CFAP77: variants seen among roughly 807,000 people sequenced by gnomAD.
CFAP77 encodes cilia- and flagella-associated protein 77.
A neutral mutation model predicts 31.1 loss-of-function variants in CFAP77; 25 were observed. The ratio of observed to expected loss-of-function variants is 0.80; its 90% confidence interval spans 0.59 to 1.12. The LOEUF (loss-of-function observed/expected upper bound fraction) is 1.12, where lower values mean the gene tolerates loss of function less well. Ranked by LOEUF, CFAP77 falls within the 50% of genes most tolerant of loss-of-function variation. The pLI is 0.00. For synonymous variants in CFAP77, 151 were observed against 159.9 expected (o/e 0.94, Z 0.42); for missense variants, 377 against 397.3 (o/e 0.95, Z 0.44).
At chr9:132,508,084 A>G (rs937636150) in intron 3 of CFAP77, among the ~76,000 whole-genome samples, 2 of 152,196 alleles carry the variant, frequency 1.3e-5, no homozygotes, top group African/African-American at 4.8e-5. Context: ...GCACTCGAAT[A>G]TAGTCTGGGG....
chr9:132,508,208 C>G (rs913731787), intron 3 of CFAP77, among the ~76,000 whole-genome samples: 1 of 152,178 alleles, frequency 6.6e-6, no homozygotes, highest in South Asian at 2.1e-4. Flanking sequence ...TGATCCCCGC[C>G]CCCCGCGCCG....
chr9:132,470,998 T>A (rs530892560), intron 1 of CFAP77, among the ~76,000 whole-genome samples: 1 of 152,336 alleles, frequency 6.6e-6, no homozygotes, highest in East Asian at 1.9e-4. Flanking sequence ...TTTTAAATGA[T>A]ATTTTATAAA....
At chr9:132,510,770 G>A (rs1351241175) in intron 3 of CFAP77, among the ~76,000 whole-genome samples, 1 of 152,178 alleles carries the variant, frequency 6.6e-6, no homozygotes, top group Non-Finnish European at 1.5e-5. Context: ...GGGAGTGGCT[G>A]TTCAAGCTAG....
At chr9:132,560,051 GC>G (rs1248216170) in intron 5 of CFAP77, among the ~76,000 whole-genome samples, 3 of 152,208 alleles carry the variant, frequency 2.0e-5, no homozygotes, top group African/African-American at 7.2e-5. Flanking sequence ...ACTGCTAATG[GC>G]TATAAAGTTT....
intron 1 of CFAP77, among the ~76,000 whole-genome samples, chr9:132,486,217 C>T (rs969443854): frequency 6.8e-6 from 1 of 147,938 alleles, no homozygotes; most frequent in Admixed American, 6.7e-5. Context: ...CTCAGCCTCC[C>T]GAGTAGCTGG....
At position 132,517,307 on chromosome 9, in the gene CFAP77, G is replaced by A. The variant is rs565454859; in HGVS notation, c.524+17707G>A. ...AGCAGCAGACTGCTGGCATATTAGAGATGGATTTTAATTTTATTTTAACAA... is the reference window on the plus strand; with the variant it reads ...AGCAGCAGACTGCTGGCATATTAGAAATGGATTTTAATTTTATTTTAACAA... On this transcript the variant is annotated intron_variant, in intron 3 of 5. Transcript: ENST00000393216. The surrounding 1 kb of genome is among the most constrained non-coding windows in gnomAD (Gnocchi z 4.7). Among the ~76,000 whole-genome samples, 34 of 152,304 alleles carry A rather than the reference G, an allele frequency of 2.2e-4. 1 individual carries two copies. Among genetic ancestry groups the A allele is most frequent in the South Asian group, 4.1e-4 (2 of 4,824 alleles).
chr9:132,428,160 C>T (rs1196932248), intron 1 of CFAP77, among the ~76,000 whole-genome samples: 1 of 150,396 alleles, frequency 6.6e-6, no homozygotes, highest in African/African-American at 2.5e-5. Context: ...CCATCATGCC[C>T]AGCTAATTTT....
rs932900329 is a variant in CFAP77, at chr9:132,552,892, G to A, written c.732+9845G>A. 1.3e-5 allele frequency among the ~76,000 whole-genome samples: 2 copies of A among 152,182 alleles called. No individual in the cohort carries two copies. Among genetic ancestry groups the A allele is most frequent in the Admixed American group, 6.5e-5 (1 of 15,268 alleles). On this transcript the variant is annotated intron_variant, in intron 5 of 5. Transcript: ENST00000393216. The surrounding 1 kb of genome is among the most constrained non-coding windows in gnomAD (Gnocchi z 5.5). ...ATGTATTTTCATATGTTTGACATGA[G>A]GCATGATGGGGCTTTCAAAGGGAAA...
chr9:132,550,665 C>T (rs140503612), intron 5 of CFAP77, among the ~76,000 whole-genome samples: 1,651 of 151,996 alleles, frequency 0.011, 38 homozygotes, highest in African/African-American at 0.037. Flanking sequence ...GCTGGGACTA[C>T]AGGCGTGCAG....
chr9:132,418,585 C>T (rs1480679149), intron 1 of CFAP77, among the ~76,000 whole-genome samples: 3 of 152,188 alleles, frequency 2.0e-5, no homozygotes, highest in East Asian at 1.9e-4. Flanking sequence ...CCTTTGAATC[C>T]GTTTCGTTTC....
intron 1 of CFAP77, among the ~76,000 whole-genome samples, chr9:132,445,850 C>T: frequency 7.5e-6 from 1 of 133,074 alleles, no homozygotes; most frequent in East Asian, 2.2e-4. Flanking sequence ...GCCTGGGCGA[C>T]AGAGTGAGAC....
At chr9:132,433,376 C>T (rs1243883349) in intron 1 of CFAP77, among the ~76,000 whole-genome samples, 2 of 152,122 alleles carry the variant, frequency 1.3e-5, no homozygotes, top group African/African-American at 2.4e-5. Context: ...TTACCACACT[C>T]TGTGAGTCGT....
intron 3 of CFAP77, among the ~76,000 whole-genome samples, chr9:132,534,568 G>GACA (rs1589912502): frequency 7.1e-6 from 1 of 140,008 alleles, no homozygotes; most frequent in East Asian, 2.1e-4. Context: ...GCTGAGATCT[G>GACA]CCACTGCACT....
intron 1 of CFAP77, among the ~76,000 whole-genome samples, chr9:132,492,867 G>A (rs753085190): frequency 3.3e-5 from 5 of 152,286 alleles, no homozygotes; most frequent in South Asian, 2.1e-4. Context: ...GAGACACACC[G>A]TACTTGCACC....
intron 3 of CFAP77, among the ~76,000 whole-genome samples, chr9:132,514,936 G>T (rs1339466153): frequency 6.6e-6 from 1 of 152,160 alleles, no homozygotes; most frequent in African/African-American, 2.4e-5. Flanking sequence ...GGGTGCAGCA[G>T]CCTCCGGGGC....
intron 5 of CFAP77, among the ~76,000 whole-genome samples, chr9:132,549,167 C>T (rs986659997): frequency 4.6e-5 from 7 of 152,188 alleles, no homozygotes; most frequent in South Asian, 2.1e-4. Flanking sequence ...ACCCCCCAAG[C>T]GGGCTTCTAG....
chr9:132,423,391 C>G (rs113386754), intron 1 of CFAP77, among the ~76,000 whole-genome samples: 1 of 152,202 alleles, frequency 6.6e-6, no homozygotes, highest in African/African-American at 2.4e-5. Context: ...GATCAGCTGA[C>G]GCTCCAGTTT....
chr9:132,413,450 G>C (rs1045528137), intron 1 of CFAP77, among the ~76,000 whole-genome samples: 2 of 152,172 alleles, frequency 1.3e-5, no homozygotes, highest in Non-Finnish European at 2.9e-5. Flanking sequence ...CATTAGAAAG[G>C]GTTTCAACTC....
rs1031716257 is a variant in CFAP77 at position 132,481,259 on chromosome 9, C to T, written c.196-17436C>T. Among the ~76,000 whole-genome samples the T allele has an allele frequency of 1.3e-5, 2 of 152,288 alleles. No homozygotes were observed. The highest frequency in any genetic ancestry group is 1.9e-4 in the East Asian group (1 of 5,172). On this transcript the variant is annotated intron_variant, in intron 1 of 5. Transcript: ENST00000393216. The surrounding 1 kb of genome is among the most constrained non-coding windows in gnomAD (Gnocchi z 5.0). Reference sequence around the variant, plus strand: ...CGCTTCAGCCCTGTCTCCCCCAGAGCGGCCTCACCCTCCTCCTTCCTGGAT... The same window carrying T: ...CGCTTCAGCCCTGTCTCCCCCAGAGTGGCCTCACCCTCCTCCTTCCTGGAT...
Sources: allele counts gnomAD v4.1 joint callset (sites outside exome capture counted in the v4.1 genomes callset), GRCh38; gene constraint gnomAD v4.1.1; non-coding constraint Gnocchi (gnomAD v3.1); transcripts MANE v1.5; gene names NCBI Gene and HGNC (gene_info 2026-07-23, HGNC 2026-07-21).